Variants in CACNB2 observed in about 807,000 individuals in gnomAD.
CACNB2 encodes calcium voltage-gated channel auxiliary subunit beta 2.
A neutral mutation model predicts 73.3 loss-of-function variants in CACNB2; 42 were observed. The observed-to-expected ratio is 0.57, with a 90% CI of 0.45 to 0.74. CACNB2 has a LOEUF of 0.74. Among genes scored for constraint, CACNB2 ranks in the 30% least tolerant of loss-of-function variants. CACNB2 has a pLI of 0.00. For missense variants in CACNB2, 940 were observed against 853.0 expected (o/e 1.10, Z -1.27); for synonymous variants, 348 against 310.3 (o/e 1.12, Z -1.28).
At chr10:18,516,290 T>TTTA (rs1467769114) in intron 7 of CACNB2, among the ~76,000 whole-genome samples, 69 of 152,280 alleles carry the variant, frequency 4.5e-4, no homozygotes, top group African/African-American at 1.6e-3. Context: ...GGCGTCATTC[T>TTTA]TCATAGGGCA....
At chr10:18,258,250 A>G (rs748722163) in intron 2 of CACNB2, among the ~76,000 whole-genome samples, 2 of 152,220 alleles carry the variant, frequency 1.3e-5, no homozygotes, top group African/African-American at 2.4e-5. Context: ...TCTCTCTCAT[A>G]TTGTGTATAA....
intron 2 of CACNB2, among the ~76,000 whole-genome samples, chr10:18,366,797 A>AT (rs2042374246): frequency 6.6e-6 from 1 of 152,146 alleles, no homozygotes; most frequent in Admixed American, 6.5e-5. Flanking sequence ...GTCTCAAAAA[A>AT]AAAAAGCTGA....
intron 3 of CACNB2, 70 bp from the exon 4 acceptor site, chr10:18,498,285 G>A (rs551366468): frequency 4.8e-5 from 76 of 1,581,634 alleles, no homozygotes; most frequent in South Asian, 7.9e-5. Context: ...ATGTCTTTGT[G>A]TTTGAGGGAA....
chr10:18,228,445 A>AAAAAAAGAAAAG (rs1359204235), intron 2 of CACNB2, among the ~76,000 whole-genome samples: 3 of 148,160 alleles, frequency 2.0e-5, no homozygotes, highest in African/African-American at 7.6e-5. Context: ...AAAAAAAAAA[A>AAAAAAAGAAAAG]AAAAGAAAAA....
At chr10:18,320,584 C>T (rs1391293666) in intron 2 of CACNB2, among the ~76,000 whole-genome samples, 1 of 152,064 alleles carries the variant, frequency 6.6e-6, no homozygotes, top group South Asian at 2.1e-4. Context: ...TAATCCCAGC[C>T]CTGCCACTTA....
intron 2 of CACNB2, among the ~76,000 whole-genome samples, chr10:18,166,034 A>T (rs1253768962): frequency 6.6e-6 from 1 of 152,162 alleles, no homozygotes; most frequent in Non-Finnish European, 1.5e-5. Flanking sequence ...AATTGATCTT[A>T]TATTCGTAAT....
chr10:18,539,106 A>C, intron 13 of CACNB2, 124 bp from the exon 14 acceptor site: 1 of 1,169,138 alleles, frequency 8.6e-7, no homozygotes. Context: ...GGATGAAGCT[A>C]GGTTAGACTT....
chr10:18,363,823 G>A (rs1433068188), intron 2 of CACNB2, among the ~76,000 whole-genome samples: 1 of 151,314 alleles, frequency 6.6e-6, no homozygotes, highest in East Asian at 1.9e-4. Context: ...CAATCAAATA[G>A]GTTTGGTTTA....
chr10:18,533,957 T>C, intron 10 of CACNB2, 119 bp from the exon 11 acceptor site: 1 of 855,734 alleles, frequency 1.2e-6, no homozygotes, highest in East Asian at 2.6e-5. Flanking sequence ...ATCAATTCTA[T>C]TGCCTGTAAG....
intron 3 of CACNB2, among the ~76,000 whole-genome samples, chr10:18,409,302 G>GAAA (rs11386791): frequency 4.4e-5 from 6 of 137,882 alleles, no homozygotes; most frequent in Admixed American, 7.3e-5. Context: ...CTGTCTCCAG[G>GAAA]AAAAAAAAAA....
intron 2 of CACNB2, among the ~76,000 whole-genome samples, chr10:18,152,769 A>G (rs978495319): frequency 6.7e-6 from 1 of 149,534 alleles, no homozygotes; most frequent in African/African-American, 2.4e-5. Flanking sequence ...TGTGCATAGT[A>G]GCTGCAGTAA....
At chr10:18,285,377 A>C (rs1473406085) in intron 2 of CACNB2, among the ~76,000 whole-genome samples, 1 of 152,332 alleles carries the variant, frequency 6.6e-6, no homozygotes, top group Non-Finnish European at 1.5e-5. Flanking sequence ...TGAGAAGCTC[A>C]AGCTATACAC....
intron 2 of CACNB2, among the ~76,000 whole-genome samples, chr10:18,335,014 A>G (rs1202333973): frequency 1.3e-5 from 2 of 152,150 alleles, no homozygotes; most frequent in Non-Finnish European, 2.9e-5. Context: ...TAGGAAAAAA[A>G]CCGTGAAAAC....
At chr10:18,168,196 G>A (rs2032992787) in intron 2 of CACNB2, among the ~76,000 whole-genome samples, 1 of 152,186 alleles carries the variant, frequency 6.6e-6, no homozygotes, top group Admixed American at 6.6e-5. Flanking sequence ...TGAGGCAGGA[G>A]GATCCCTTGA....
chr10:18,407,868 TA>T (rs2044381454), intron 3 of CACNB2, among the ~76,000 whole-genome samples: 1 of 152,202 alleles, frequency 6.6e-6, no homozygotes, highest in African/African-American at 2.4e-5. Flanking sequence ...CTTATGTCTC[TA>T]AAGATACTAA....
At chr10:18,213,380 A>G (rs1390072347) in intron 2 of CACNB2, among the ~76,000 whole-genome samples, 4 of 152,210 alleles carry the variant, frequency 2.6e-5, no homozygotes, top group Non-Finnish European at 5.9e-5. Flanking sequence ...ATAACTGTGA[A>G]TCACAGTCAC....
At chr10:18,376,428 C>T (rs936654839) in intron 2 of CACNB2, among the ~76,000 whole-genome samples, 1 of 152,020 alleles carries the variant, frequency 6.6e-6, no homozygotes, top group Non-Finnish European at 1.5e-5. Flanking sequence ...ATGAATAACA[C>T]CTAGTCTTTG....
chr10:18,527,384 A>G (rs1461136669), intron 9 of CACNB2, among the ~76,000 whole-genome samples: 2 of 152,170 alleles, frequency 1.3e-5, no homozygotes, highest in African/African-American at 4.8e-5. Context: ...CTCAAAACAA[A>G]CAAAAAACAA....
At chr10:18,520,732 G>A (rs1052994934) in intron 9 of CACNB2, among the ~76,000 whole-genome samples, 88 of 152,296 alleles carry the variant, frequency 5.8e-4, no homozygotes, top group African/African-American at 1.4e-3. Context: ...CTCCCTTGCT[G>A]TTCTTTGAGT....
Sources: allele counts gnomAD v4.1 joint callset (sites outside exome capture counted in the v4.1 genomes callset), GRCh38; gene constraint gnomAD v4.1.1; transcripts MANE v1.5; gene names NCBI Gene and HGNC (gene_info 2026-07-23, HGNC 2026-07-21).